Variants in POC1B observed in about 807,000 individuals in gnomAD.
POC1B encodes the protein POC1 centriolar protein homolog B.
Under a neutral mutation model 60.6 loss-of-function variants are expected in POC1B, and 44 were observed. That is an observed-to-expected ratio of 0.73 (90% confidence interval 0.57 to 0.93). POC1B has a LOEUF of 0.93. POC1B is among the 40% of genes least tolerant of loss of function. POC1B has a pLI of 0.00. For missense variants in POC1B, 555 were observed against 572.3 expected (o/e 0.97, Z 0.31); for synonymous variants, 180 against 198.9 (o/e 0.90, Z 0.80).
chr12:89,405,232 A>G, the POC1B span, among the ~76,000 whole-genome samples: 1 of 152,074 alleles, frequency 6.6e-6, no homozygotes, highest in Non-Finnish European at 1.5e-5. Flanking sequence ...TGAAGGAAAT[A>G]TGAAAATATG....
At chr12:89,416,149 C>T (rs1565888016), downstream of POC1B, among the ~76,000 whole-genome samples, 1 of 152,218 alleles carries the variant, frequency 6.6e-6, no homozygotes, top group East Asian at 1.9e-4. Context: ...AAGATGACAA[C>T]GCCTGCCTTT....
At chr12:89,501,765 C>A in intron 2 of POC1B, 1 of 953,764 alleles carries the variant, frequency 1.0e-6, no homozygotes, top group Non-Finnish European at 1.7e-6. Context: ...CACTGCATCA[C>A]AACAGTAGGC....
chr12:89,502,654 A>AT, intron 2 of POC1B: 1 of 1,333,252 alleles, frequency 7.5e-7, no homozygotes, highest in East Asian at 2.3e-5. Flanking sequence ...ATACATATCA[A>AT]TTTTTTGTTA....
At position 89,425,156 on chromosome 12, in the gene POC1B, C is replaced by T. The variant is rs1452525918; in HGVS notation, c.1332+5G>A. 1.9e-6 allele frequency: 3 copies of T among 1,613,518 alleles called. No homozygotes were observed. On this transcript the variant is annotated splice_donor_5th_base_variant and intron_variant, in intron 11 of 11. Transcript: ENST00000313546. ...TGCAACTCATGCAACCTGTGTCATG[C>T]CCACCTGTGTCAAAACATTGAGTTG... is the stretch of plus-strand genomic sequence containing the variant.
chr12:89,457,411 G>A (rs1451016779), intron 10 of POC1B, among the ~76,000 whole-genome samples: 1 of 152,174 alleles, frequency 6.6e-6, no homozygotes, highest in Admixed American at 6.5e-5. Context: ...TTAAAGAAAA[G>A]CCCTTTGGAG....
At chr12:89,412,609 G>T in the POC1B span, among the ~76,000 whole-genome samples, 1 of 151,400 alleles carries the variant, frequency 6.6e-6, no homozygotes. Context: ...CCCGGGAGGT[G>T]GAAGTTGCAG....
At chr12:89,482,169 C>T (rs1019361858) in intron 4 of POC1B, among the ~76,000 whole-genome samples, 3 of 152,126 alleles carry the variant, frequency 2.0e-5, no homozygotes, top group African/African-American at 4.8e-5. Context: ...AAGGAAAAGA[C>T]GGGCATCATG....
chr12:89,502,790 GT>G (rs1337661539), intron 2 of POC1B: 5 of 1,308,612 alleles, frequency 3.8e-6, no homozygotes, highest in Non-Finnish European at 5.3e-6. Flanking sequence ...GTTTTTTTAT[GT>G]TAACTTTGGT....
rs77508417 is a variant in POC1B at position 89,481,887 on chromosome 12, A to G, written c.453-9612T>C. Among the ~76,000 whole-genome samples, 1,110 of 152,298 alleles carry G rather than the reference A, an allele frequency of 7.3e-3. 13 individuals are homozygous for G. The highest frequency in any genetic ancestry group is 0.025 in the African/African-American group (1,027 of 41,558). On this transcript the variant is annotated intron_variant, in intron 4 of 11. Transcript: ENST00000313546. ...GCACTACAGCCCATGAGTAAAGACT[A>G]CACTAGATCCACCCTACACAGGCTA...
intron 2 of POC1B, chr12:89,520,683 G>A (rs1039142277): frequency 6.6e-6 from 1 of 152,102 alleles, no homozygotes; most frequent in Admixed American, 6.5e-5. Context: ...TTTTGAAATG[G>A]TTATCCTAAA....
At chr12:89,445,653 C>T (rs993140229) in intron 10 of POC1B, among the ~76,000 whole-genome samples, 4 of 152,176 alleles carry the variant, frequency 2.6e-5, no homozygotes, top group Non-Finnish European at 5.9e-5. Flanking sequence ...CCATAAAAAC[C>T]CTAGAAGAAA....
At position 89,525,926 on chromosome 12, in the gene POC1B, G is replaced by A. The variant is rs200496430; in HGVS notation, c.-31C>T. 4.2e-3 allele frequency: 6,478 copies of A among 1,528,786 alleles called. 23 individuals are homozygous for A. Among genetic ancestry groups the A allele is most frequent in the Non-Finnish European group, 5.1e-3 (5,780 of 1,134,544 alleles). 94.7% of individuals were successfully genotyped at this position (1,528,786 alleles called of 1,614,324 possible). ...GAGTGGTCGGCCCAAGGCTCCTGTG[G>A]GTGGGGGAACCCGGAGAGGGGAGGG... is the stretch of plus-strand genomic sequence containing the variant. On this transcript the variant is annotated 5_prime_UTR_variant, in exon 1 of 12. Coordinates refer to ENST00000313546, the MANE Select transcript of POC1B (RefSeq NM_172240.3).
intron 2 of POC1B, 60 bp downstream of exon 2, chr12:89,525,055 GAGGAA>G (rs1871315229): frequency 1.2e-6 from 2 of 1,605,342 alleles, no homozygotes; most frequent in East Asian, 4.5e-5. Flanking sequence ...GCCCGGACAG[GAGGAA>G]AGGTTTCCGG....
At chr12:89,519,198 A>G (rs1364024773) in intron 2 of POC1B, among the ~76,000 whole-genome samples, 3 of 152,194 alleles carry the variant, frequency 2.0e-5, no homozygotes, top group Non-Finnish European at 4.4e-5. Flanking sequence ...TAGTTTGCTC[A>G]TGAGTAGTTA....
At chr12:89,502,334 G>T in intron 2 of POC1B, 1 of 1,611,828 alleles carries the variant, frequency 6.2e-7, no homozygotes, top group Non-Finnish European at 8.5e-7. Context: ...AGGACCAAGA[G>T]AACACGTTTG....
chr12:89,460,658 T>C (rs999350037), intron 9 of POC1B: 1 of 152,200 alleles, frequency 6.6e-6, no homozygotes, highest in African/African-American at 2.4e-5. Context: ...AATTTATGAA[T>C]GCATGAATTC....
intron 10 of POC1B, among the ~76,000 whole-genome samples, chr12:89,443,416 A>G (rs369039046): frequency 1.5e-4 from 23 of 152,128 alleles, no homozygotes; most frequent in East Asian, 9.6e-4. Flanking sequence ...TCAGACCACA[A>G]TGCAATCAAA....
downstream of POC1B, among the ~76,000 whole-genome samples, chr12:89,417,544 A>G (rs1368773672): frequency 6.6e-6 from 1 of 152,232 alleles, no homozygotes; most frequent in Non-Finnish European, 1.5e-5. Flanking sequence ...TAATAGATAC[A>G]TCAAGCAAAT....
intron 2 of POC1B, chr12:89,520,899 T>C (rs1870794288): frequency 6.6e-6 from 1 of 152,134 alleles, no homozygotes; most frequent in Admixed American, 6.6e-5. Context: ...CCAGTAAAAA[T>C]ACTTTTAAAA....
Sources: gnomAD v4.1 joint callset for allele counts (sites outside exome capture counted in the v4.1 genomes callset) on GRCh38, gnomAD v4.1.1 for gene constraint, MANE v1.5 for transcripts, NCBI Gene and HGNC (gene_info 2026-07-23, HGNC 2026-07-21) for gene names.